Variants in DMD observed in about 807,000 individuals in gnomAD.
DMD encodes the protein dystrophin, also known as mutant dystrophin.
DMD carries 63 observed loss-of-function variants against 330.1 expected under a neutral mutation model. The ratio of observed to expected loss-of-function variants is 0.19; its 90% confidence interval spans 0.16 to 0.24. The LOEUF (loss-of-function observed/expected upper bound fraction) is 0.24. Ranked by LOEUF, DMD falls within the 10% of genes least tolerant of loss-of-function variation. The probability of loss-of-function intolerance (pLI) is 1.00; values close to 1 mark genes in which losing one functional copy is unlikely to be tolerated. For synonymous variants in DMD, 1,223 were observed against 959.8 expected (o/e 1.27, Z -5.07); for missense variants, 3,344 against 2,684.1 (o/e 1.25, Z -5.43).
chrX:31,813,040 C>T (rs1235400621), intron 50 of DMD, among the ~76,000 whole-genome samples: 1 of 111,840 alleles, frequency 8.9e-6, no homozygotes, highest in African/African-American at 3.3e-5. Context: ...ATATATCTGT[C>T]AGTTGTATCT....
intron 44 of DMD, among the ~76,000 whole-genome samples, chrX:32,190,926 C>T (rs1273332910): frequency 9.1e-6 from 1 of 109,748 alleles, no homozygotes; most frequent in African/African-American, 3.3e-5. Flanking sequence ...ATCCCATCTT[C>T]TGCTCTGTAC....
chrX:33,096,253 C>T (rs182930822), intron 1 of DMD, among the ~76,000 whole-genome samples: 2,567 of 110,756 alleles, frequency 0.023, 84 homozygotes, highest in African/African-American at 0.079. Context: ...GGATTACTGG[C>T]GTGAGCCACC....
intron 1 of DMD, among the ~76,000 whole-genome samples, chrX:33,295,189 A>C (rs1336791290): frequency 1.8e-5 from 2 of 111,352 alleles, no homozygotes; most frequent in African/African-American, 6.5e-5. Flanking sequence ...AAAACTCATC[A>C]CTTCTTAATT....
At chrX:31,781,728 A>G (rs2091020468) in intron 50 of DMD, among the ~76,000 whole-genome samples, 1 of 111,443 alleles carries the variant, frequency 9.0e-6, no homozygotes, top group Admixed American at 9.6e-5. Context: ...TTTGTCCCAG[A>G]TAATTTTTTG....
rs755812426 is a variant in DMD, at chrX:33,235,759, G to A, written c.7+103500C>T. ...CCTGATCCAAGAGCCTGTACCCTTA[G>A]AATATAATCTGCTCCTCCCAGATTA... On this transcript the variant is annotated intron_variant, in intron 1 of 17. Coordinates refer to the DMD transcript ENST00000288447. Among the ~76,000 whole-genome samples the A allele has an allele frequency of 2.7e-3, 295 of 109,869 alleles. 2 individuals are homozygous for A. Among genetic ancestry groups the A allele is most frequent in the African/African-American group, 9.3e-3 (282 of 30,191 alleles).
chrX:32,348,371 C>A, intron 38 of DMD, 35 bp downstream of exon 38: 1 of 1,185,720 alleles, frequency 8.4e-7, no homozygotes, highest in South Asian at 1.8e-5. Flanking sequence ...ATTTCCACTC[C>A]TAGTTCATTC....
At chrX:31,864,715 T>A (rs992986074) in intron 48 of DMD, among the ~76,000 whole-genome samples, 3 of 110,596 alleles carry the variant, frequency 2.7e-5, no homozygotes, top group African/African-American at 9.9e-5. Flanking sequence ...GATCTCAAAC[T>A]CCCAAGCTCA....
intron 7 of DMD, among the ~76,000 whole-genome samples, chrX:32,780,215 C>T (rs1046891184): frequency 5.4e-5 from 6 of 112,044 alleles, no homozygotes; most frequent in African/African-American, 9.7e-5. Flanking sequence ...TAAAATTATA[C>T]GATGAATGTA....
At chrX:32,042,260 T>C (rs773550700) in intron 44 of DMD, among the ~76,000 whole-genome samples, 1 of 107,302 alleles carries the variant, frequency 9.3e-6, no homozygotes, top group Non-Finnish European at 1.9e-5. Flanking sequence ...CTGGGTAATT[T>C]ATAAAGGAAA....
At chrX:32,202,601 C>T (rs1009366677) in intron 44 of DMD, among the ~76,000 whole-genome samples, 1 of 112,003 alleles carries the variant, frequency 8.9e-6, no homozygotes, top group African/African-American at 3.2e-5. Flanking sequence ...CTGCCTGCCT[C>T]GGCCTCCCAA....
intron 47 of DMD, among the ~76,000 whole-genome samples, chrX:31,893,841 C>T (rs970630611): frequency 9.0e-6 from 1 of 111,481 alleles, no homozygotes; most frequent in Admixed American, 9.5e-5. Context: ...AATCCGAGGG[C>T]CTTCCCTGAG....
chrX:32,870,147 A>G (rs1043720741), intron 2 of DMD, among the ~76,000 whole-genome samples: 35 of 111,974 alleles, frequency 3.1e-4, no homozygotes, highest in African/African-American at 1.1e-3. Context: ...TCCTACAACA[A>G]TAGACAGAGA....
At chrX:31,645,775 C>G (rs748870053) in intron 54 of DMD, among the ~76,000 whole-genome samples, 8 of 112,075 alleles carry the variant, frequency 7.1e-5, no homozygotes, top group Non-Finnish European at 1.5e-4. Flanking sequence ...TAGATTATCC[C>G]TTCCCCCCAT....
chrX:32,925,145 GTTTTTTTTTTTTTTTT>G (rs777224221), intron 2 of DMD, among the ~76,000 whole-genome samples: 1 of 48,534 alleles, frequency 2.1e-5, no homozygotes, highest in Non-Finnish European at 3.8e-5. Context: ...AAAACTCTGG[GTTTTTTTTTTTTTTTT>G]TTTTTTTTTT....
At chrX:31,643,300 T>C (rs1035553377) in intron 54 of DMD, among the ~76,000 whole-genome samples, 3 of 112,161 alleles carry the variant, frequency 2.7e-5, no homozygotes, top group East Asian at 2.8e-4. Flanking sequence ...AGAGTTTTTG[T>C]AGGGAAAAAT....
intron 7 of DMD, among the ~76,000 whole-genome samples, chrX:32,731,520 G>A (rs181249923): frequency 1.3e-3 from 148 of 112,616 alleles, no homozygotes; most frequent in Non-Finnish European, 2.4e-3. Context: ...CTGTCTGACA[G>A]CTTTGAAGAG....
chrX:33,236,550 C>G (rs2052488323), intron 1 of DMD, among the ~76,000 whole-genome samples: 1 of 110,978 alleles, frequency 9.0e-6, no homozygotes, highest in African/African-American at 3.3e-5. Context: ...CAGGTGTGAG[C>G]CACCGCGTCC....
intron 60 of DMD, among the ~76,000 whole-genome samples, chrX:31,369,683 T>C (rs1318798943): frequency 9.1e-6 from 1 of 110,390 alleles, no homozygotes; most frequent in African/African-American, 3.3e-5. Flanking sequence ...CAGGTTGTGG[T>C]GGACAAGAAA....
At chrX:33,057,063 AT>A (rs1009825300) in intron 1 of DMD, among the ~76,000 whole-genome samples, 12 of 108,802 alleles carry the variant, frequency 1.1e-4, no homozygotes, top group East Asian at 2.9e-4. Context: ...ATTAGAGATG[AT>A]TTTTTTTTTC....
Sources: allele counts gnomAD v4.1 joint callset (sites outside exome capture counted in the v4.1 genomes callset), GRCh38; gene constraint gnomAD v4.1.1; transcripts MANE v1.5; gene names NCBI Gene and HGNC (gene_info 2026-07-23, HGNC 2026-07-21).